Variants in CREB3L2 observed in about 807,000 individuals in gnomAD.
The protein encoded by CREB3L2 is cyclic AMP-responsive element-binding protein 3-like protein 2.
CREB3L2 carries 23 observed loss-of-function variants against 57.2 expected under a neutral mutation model. The observed-to-expected ratio is 0.40, with a 90% CI of 0.29 to 0.57. The LOEUF is 0.57. Ranked by LOEUF, CREB3L2 falls within the 20% of genes least tolerant of loss-of-function variation. The pLI, the probability that CREB3L2 is intolerant of heterozygous loss-of-function variation, is 0.42. For synonymous variants in CREB3L2, 268 were observed against 265.1 expected (o/e 1.01, Z -0.11); for missense variants, 628 against 634.7 (o/e 0.99, Z 0.11).
chr7:137,947,881 C>A (rs1442924513), intron 1 of CREB3L2, among the ~76,000 whole-genome samples: 1 of 152,204 alleles, frequency 6.6e-6, no homozygotes, highest in Non-Finnish European at 1.5e-5. Flanking sequence ...ACTTCCTTCC[C>A]CTGCCCTGTC....
intron 10 of CREB3L2, among the ~76,000 whole-genome samples, chr7:137,883,911 AT>A (rs1799351293): frequency 6.6e-6 from 1 of 152,256 alleles, no homozygotes; most frequent in South Asian, 2.1e-4. Flanking sequence ...CCATCCCTTT[AT>A]TTCTAGGTGA....
chr7:137,902,483 G>A (rs1799784652), intron 7 of CREB3L2, among the ~76,000 whole-genome samples: 1 of 152,122 alleles, frequency 6.6e-6, no homozygotes, highest in African/African-American at 2.4e-5. Flanking sequence ...ATGCCCAAAA[G>A]AGACAGTAAA....
At position 137,891,763 on chromosome 7, in the gene CREB3L2, G is replaced by A. The variant is rs192173729; in HGVS notation, c.1044-6261C>T. Among the ~76,000 whole-genome samples, 640 of 152,156 alleles carry A rather than the reference G, an allele frequency of 4.2e-3. 6 individuals are homozygous for A. Among genetic ancestry groups the A allele is most frequent in the African/African-American group, 0.015 (603 of 41,504 alleles). ...GCTAATTTTTTTTGTATTTTTAGTAGAGATGGGGTTTCACCATGTTGGTCA... is the reference window on the plus strand; with the variant it reads ...GCTAATTTTTTTTGTATTTTTAGTAAAGATGGGGTTTCACCATGTTGGTCA... On this transcript the variant is annotated intron_variant, in intron 8 of 11. Transcript: ENST00000330387.
chr7:137,993,178 T>C (rs1801930925), intron 1 of CREB3L2, among the ~76,000 whole-genome samples: 1 of 152,178 alleles, frequency 6.6e-6, no homozygotes, highest in Non-Finnish European at 1.5e-5. Context: ...GAGAAGACAT[T>C]TGACTTAGGG....
chr7:137,911,362 A>C (rs1800001486), intron 4 of CREB3L2, among the ~76,000 whole-genome samples: 2 of 152,248 alleles, frequency 1.3e-5, no homozygotes, highest in African/African-American at 4.8e-5. Flanking sequence ...ATTGTTACAA[A>C]CCAAATCCTG....
intron 2 of CREB3L2, among the ~76,000 whole-genome samples, chr7:137,919,050 C>T (rs779891215): frequency 1.3e-5 from 2 of 152,134 alleles, no homozygotes; most frequent in Non-Finnish European, 2.9e-5. Context: ...CTCCCCTGAG[C>T]TTTTTTGAGG....
chr7:137,942,983 C>G (rs534582391), intron 1 of CREB3L2, among the ~76,000 whole-genome samples: 1 of 152,196 alleles, frequency 6.6e-6, no homozygotes, highest in Admixed American at 6.5e-5. Flanking sequence ...AAAGTCAGCA[C>G]AGCTTCATTA....
intron 1 of CREB3L2, among the ~76,000 whole-genome samples, chr7:137,997,681 T>C (rs889080678): frequency 2.1e-4 from 32 of 152,284 alleles, no homozygotes; most frequent in African/African-American, 1.9e-4. Flanking sequence ...TGAGCCATGA[T>C]TGAGCAACTG....
At chr7:137,958,083 G>T in intron 1 of CREB3L2, 1 of 245,640 alleles carries the variant, frequency 4.1e-6, no homozygotes, top group Non-Finnish European at 8.1e-6. Flanking sequence ...GGTCACCAAG[G>T]GAAACAGGCA....
rs565068031 is a variant in CREB3L2, at chr7:137,929,227, C to A, written c.103-861G>T. On this transcript the variant is annotated intron_variant, in intron 1 of 11. Coordinates refer to ENST00000330387, the MANE Select transcript of CREB3L2 (RefSeq NM_194071.4). ...TAAATTCCCCGGGATTCCCATATCC[C>A]CTGTGACACTGTACCACTCTAAAGG... 1.4e-4 allele frequency among the ~76,000 whole-genome samples: 21 copies of A among 152,242 alleles called. 1 individual carries two copies. The South Asian group carries it at 3.5e-3, about 26-fold the overall frequency.
chr7:137,924,845 T>C (rs1237152662), intron 2 of CREB3L2, among the ~76,000 whole-genome samples: 2 of 152,194 alleles, frequency 1.3e-5, no homozygotes, highest in African/African-American at 4.8e-5. Flanking sequence ...TCCTTAGCTC[T>C]AGTGTTTCAG....
chr7:137,994,552 C>T (rs764170917), intron 1 of CREB3L2, among the ~76,000 whole-genome samples: 16 of 152,262 alleles, frequency 1.1e-4, no homozygotes, highest in Admixed American at 3.9e-4. Context: ...CCTCCTGGCT[C>T]CCACCCCTCC....
chr7:137,982,423 C>T (rs946487042), intron 1 of CREB3L2, among the ~76,000 whole-genome samples: 8 of 138,906 alleles, frequency 5.8e-5, no homozygotes, highest in Admixed American at 4.2e-4. Context: ...TTGGCTGTGT[C>T]CCCACCCAAA....
chr7:137,949,547 T>C (rs532343144), intron 1 of CREB3L2, among the ~76,000 whole-genome samples: 2 of 152,308 alleles, frequency 1.3e-5, no homozygotes, highest in South Asian at 2.1e-4. Flanking sequence ...TGGACACCAG[T>C]GTTGCACTAG....
At chr7:137,901,915 C>T (rs567428451) in intron 7 of CREB3L2, among the ~76,000 whole-genome samples, 1 of 147,114 alleles carries the variant, frequency 6.8e-6, no homozygotes, top group Non-Finnish European at 1.5e-5. Flanking sequence ...GAGCTGGGGC[C>T]GGGCGTAGTG....
Position 137,915,880 on chromosome 7 carries a change from G to A in CREB3L2, c.452C>T (p.Thr151Ile), listed in dbSNP as rs201981192. 1 of 1,614,126 alleles carries A rather than the reference G, an allele frequency of 6.2e-7. No individual in the cohort carries two copies. Among genetic ancestry groups the A allele is most frequent in the Admixed American group, 1.7e-5 (1 of 60,020 alleles). Reference sequence around the variant, plus strand: ...AGGAGGTTCCTCCTTTTCCAACGGGGTGGAGATGGCTGTGATGGTCAGAGT... The same window carrying A: ...AGGAGGTTCCTCCTTTTCCAACGGGATGGAGATGGCTGTGATGGTCAGAGT... ...SVTLTITAIS[T>I]PLEKEEPPLE... The change falls in exon 3 of 12, where the codon ACC (threonine) becomes ATC (isoleucine). Residue 151 changes from threonine to isoleucine, a missense_variant. By Grantham distance (89) the Thr-to-Ile change is moderately conservative (BLOSUM62 -1). Coordinates refer to ENST00000330387, the MANE Select transcript of CREB3L2 (RefSeq NM_194071.4).
chr7:137,948,200 T>C (rs1362819314), intron 1 of CREB3L2, among the ~76,000 whole-genome samples: 1 of 152,248 alleles, frequency 6.6e-6, no homozygotes, highest in Non-Finnish European at 1.5e-5. Context: ...AAATTCATAA[T>C]GTGTCAGTCA....
At chr7:137,972,684 CAAAAAAAAAAAAAA>C (rs58627909) in intron 1 of CREB3L2, among the ~76,000 whole-genome samples, 1 of 9,660 alleles carries the variant, frequency 1.0e-4, no homozygotes, top group African/African-American at 2.8e-4. Flanking sequence ...CCCGTCTCTA[CAAAAAAAAAAAAAA>C]AAAAAAAAAA....
chr7:137,920,758 T>G (rs273951), intron 2 of CREB3L2, among the ~76,000 whole-genome samples: 1 of 151,978 alleles, frequency 6.6e-6, no homozygotes, highest in Non-Finnish European at 1.5e-5. Context: ...TGACTTCATA[T>G]GAAGAAAGTC....
Sources: gnomAD v4.1 joint callset for allele counts (sites outside exome capture counted in the v4.1 genomes callset) on GRCh38, gnomAD v4.1.1 for gene constraint, MANE v1.5 for transcripts, NCBI Gene and HGNC (gene_info 2026-07-23, HGNC 2026-07-21) for gene names.